The following DMRT3 variants were observed in gnomAD, a reference collection of about 807,000 sequenced individuals.
DMRT3 encodes doublesex- and mab-3-related transcription factor 3.
In DMRT3, 29 loss-of-function variants were observed where a neutral mutation model predicts 34.9. The ratio of observed to expected loss-of-function variants is 0.83; its 90% confidence interval spans 0.62 to 1.13. The LOEUF is 1.13. Among genes scored for constraint, DMRT3 ranks in the 50% most tolerant of loss-of-function variants. The probability of loss-of-function intolerance (pLI) is 0.00; values close to 1 mark genes in which losing one functional copy is unlikely to be tolerated. For synonymous variants in DMRT3, 350 were observed against 286.0 expected, an observed-to-expected ratio of 1.22 and a Z score of -2.26; for missense variants, 772 against 629.1, an observed-to-expected ratio of 1.23 and a Z score of -2.43.
At chr9:986,890 C>CAAAA (rs5895884) in intron 1 of DMRT3, among the ~76,000 whole-genome samples, 4,328 of 138,600 alleles carry the variant, frequency 0.031, 103 homozygotes, top group Admixed American at 0.047. Flanking sequence ...GACTCTGTCT[C>CAAAA]AAAAAAAAAA....
chr9:983,480 T>C (rs1282083994), intron 1 of DMRT3, among the ~76,000 whole-genome samples: 2 of 152,190 alleles, frequency 1.3e-5, no homozygotes, highest in Non-Finnish European at 2.9e-5. Flanking sequence ...GCAGCTTACT[T>C]GGAATTTTGC....
intron 1 of DMRT3, among the ~76,000 whole-genome samples, chr9:983,366 T>C (rs1820244855): frequency 6.6e-6 from 1 of 152,256 alleles, no homozygotes; most frequent in Non-Finnish European, 1.5e-5. Flanking sequence ...AATCTTTATA[T>C]GTAAGCATTT....
chr9:979,112 C>A (rs1256243370), intron 1 of DMRT3, among the ~76,000 whole-genome samples: 1 of 152,194 alleles, frequency 6.6e-6, no homozygotes, highest in Non-Finnish European at 1.5e-5. Flanking sequence ...CTCAGCAGCA[C>A]TCCTGTGATC....
rs770965646 is a variant in DMRT3 at position 990,909 on chromosome 9, G to C, written c.1323G>C (p.Gly441=). The C allele has an allele frequency of 6.2e-7, 1 of 1,614,138 alleles. No homozygotes were observed. The highest frequency in any genetic ancestry group is 1.7e-5 in the Admixed American group (1 of 60,028). Residue 441 remains glycine (G), a synonymous_variant, in exon 2 of 2, where the codon GGG becomes GGC. Coordinates refer to ENST00000190165, the MANE Select transcript of DMRT3 (RefSeq NM_021240.4). ...CTCGGATTTCCATCCCTGATGATGG[G>C]TGTCCATTTGTGTCAAAGCAGTCCA... The part of the protein sequence containing the change: ...EDPRISIPDD[G]CPFVSKQSIY...
rs899043533 is a variant in DMRT3, at chr9:977,494, G to A, written c.454+39G>A. The A allele has an allele frequency of 1.4e-5, 18 of 1,262,066 alleles. No individual in the cohort carries two copies. In the Admixed American group the frequency reaches 2.9e-4, roughly 20 times the overall value. The allele number at this position is 1,262,066 out of a possible 1,614,324, so 78.2% of individuals were successfully genotyped here. ...AGGTGCGGGAGTTTGGCCGGGCGCG[G>A]GGGCAACTTCGGAGTGCCAGCTGCA... On this transcript the variant is annotated intron_variant, in intron 1 of 1. Transcript: ENST00000190165.
chr9:979,247 CAGG>C (rs887331003), intron 1 of DMRT3, among the ~76,000 whole-genome samples: 7 of 152,054 alleles, frequency 4.6e-5, no homozygotes, highest in African/African-American at 1.7e-4. Flanking sequence ...AACACAACCC[CAGG>C]AGGAGGAGGA....
intron 1 of DMRT3, among the ~76,000 whole-genome samples, chr9:979,247 C>T (rs1430169081): frequency 6.6e-6 from 1 of 152,054 alleles, no homozygotes; most frequent in Non-Finnish European, 1.5e-5. Flanking sequence ...AACACAACCC[C>T]AGGAGGAGGA....
At position 977,464 on chromosome 9, in the gene DMRT3, G is replaced by T. The variant is rs1292359637; in HGVS notation, c.454+9G>T. 3 of 1,281,116 alleles carry T rather than the reference G, an allele frequency of 2.3e-6. No homozygotes were observed. Among genetic ancestry groups the T allele is most frequent in the African/African-American group, 1.5e-5 (1 of 65,856 alleles). 79.4% of individuals were successfully genotyped at this position (1,281,116 alleles called of 1,614,324 possible). ...GCAGCTCGCCAAGCCAGGTAAGAGC[G>T]TCTGAGGTGCGGGAGTTTGGCCGGG... is the stretch of plus-strand genomic sequence containing the variant. On this transcript the variant is annotated intron_variant, in intron 1 of 1. Transcript: ENST00000190165.
At chr9:978,566 C>T (rs1409235939) in intron 1 of DMRT3, among the ~76,000 whole-genome samples, 1 of 152,200 alleles carries the variant, frequency 6.6e-6, no homozygotes, top group African/African-American at 2.4e-5. Context: ...GACGGTACCC[C>T]TAGCTTCGGA....
In DMRT3 at chr9:990,810, C is replaced by T. The variant is rs1331344004; in HGVS notation, c.1224C>T (p.Val408=). 1 of 1,614,190 alleles carries T rather than the reference C, an allele frequency of 6.2e-7. No homozygotes were observed. Among genetic ancestry groups the T allele is most frequent in the Admixed American group, 1.7e-5 (1 of 60,032 alleles). The change falls in exon 2 of 2, where the codon GTC becomes GTT. Residue 408 remains valine, a synonymous_variant. Coordinates refer to ENST00000190165, the MANE Select transcript of DMRT3 (RefSeq NM_021240.4). ...AGTATCAGCTGAGGTCCCAGTATGT[C>T]AGTCCTTTCCCCAGTAACTCTACCA... ...QQQYQLRSQY[V]SPFPSNSTSV...
intron 1 of DMRT3, among the ~76,000 whole-genome samples, chr9:987,412 CTGTGTGTG>C (rs6150885): frequency 0.028 from 4,198 of 149,548 alleles, 204 homozygotes; most frequent in African/African-American, 0.097. Flanking sequence ...TAATATCCCA[CTGTGTGTG>C]TGTGTGTGTG....
chr9:980,085 G>T (rs1249048058), intron 1 of DMRT3, among the ~76,000 whole-genome samples: 2 of 110,492 alleles, frequency 1.8e-5, no homozygotes, highest in Non-Finnish European at 4.4e-5. Flanking sequence ...AAGCTGTGAA[G>T]AGAGATTTTT....
chr9:985,942 G>A (rs1338687957), intron 1 of DMRT3, among the ~76,000 whole-genome samples: 2 of 152,152 alleles, frequency 1.3e-5, no homozygotes, highest in Admixed American at 6.5e-5. Context: ...TGGTTGGTTG[G>A]TTTACGCTGA....
chr9:981,582 T>C (rs997335985), intron 1 of DMRT3, among the ~76,000 whole-genome samples: 2 of 152,168 alleles, frequency 1.3e-5, no homozygotes, highest in Non-Finnish European at 2.9e-5. Context: ...CTCTTGGGGC[T>C]GGGATGCTGC....
At chr9:989,618 G>C (rs948412278) in intron 1 of DMRT3, among the ~76,000 whole-genome samples, 3 of 152,180 alleles carry the variant, frequency 2.0e-5, no homozygotes, top group Non-Finnish European at 4.4e-5. Flanking sequence ...CTAGATAACA[G>C]CTGGGGACCT....
chr9:980,217 G>C (rs868154327), intron 1 of DMRT3, among the ~76,000 whole-genome samples: 33 of 152,198 alleles, frequency 2.2e-4, no homozygotes, highest in African/African-American at 8.0e-4. Context: ...CGTTGAGGGA[G>C]TGACATATTC....
In DMRT3 at chr9:979,834, A is replaced by G. The variant is rs1820195444; in HGVS notation, c.454+2379A>G. ...TGTTCTAATAATGTATTTGTGTATA[A>G]CATTCCATATGTATTTAGAAGCATA... is the stretch of plus-strand genomic sequence containing the variant. On this transcript the variant is annotated intron_variant, in intron 1 of 1. Coordinates refer to ENST00000190165, the MANE Select transcript of DMRT3 (RefSeq NM_021240.4). Among the ~76,000 whole-genome samples, 4 of 152,340 alleles carry G rather than the reference A, an allele frequency of 2.6e-5. No homozygotes were observed. The South Asian group carries it at 8.3e-4, about 32-fold the overall frequency.
At chr9:982,954 G>T (rs955033380) in intron 1 of DMRT3, among the ~76,000 whole-genome samples, 1 of 152,146 alleles carries the variant, frequency 6.6e-6, no homozygotes, top group Non-Finnish European at 1.5e-5. Context: ...GCTTGTGCAC[G>T]GGTGCTCATG....
chr9:981,238 A>G (rs1238327928), intron 1 of DMRT3, among the ~76,000 whole-genome samples: 1 of 151,524 alleles, frequency 6.6e-6, no homozygotes, highest in Non-Finnish European at 1.5e-5. Context: ...CTCCGGCTTG[A>G]CTGGGTCCCG....
Sources: gnomAD v4.1 joint callset for allele counts (sites outside exome capture counted in the v4.1 genomes callset) on GRCh38, gnomAD v4.1.1 for gene constraint, MANE v1.5 for transcripts, NCBI Gene and HGNC (gene_info 2026-07-23, HGNC 2026-07-21) for gene names.